The following HADHA variants were observed in gnomAD, a reference collection of about 807,000 sequenced individuals.
HADHA encodes the protein trifunctional enzyme subunit alpha, mitochondrial.
In HADHA, 59 loss-of-function variants were observed where a neutral mutation model predicts 91.3. That is an observed-to-expected ratio of 0.65 (90% CI 0.52 to 0.80). The LOEUF is 0.80. Ranked by LOEUF, HADHA falls within the 30% of genes least tolerant of loss-of-function variation. The pLI is 0.00. For missense variants in HADHA, 800 were observed against 927.6 expected, an observed-to-expected ratio of 0.86 and a Z score of 1.79; for synonymous variants, 320 against 338.9, an observed-to-expected ratio of 0.94 and a Z score of 0.61.
At position 26,239,155 on chromosome 2, in the gene HADHA, G is replaced by A. The variant is rs748476188; in HGVS notation, c.68-12C>T. 3 of 1,576,834 alleles carry A rather than the reference G, an allele frequency of 1.9e-6. No homozygotes were observed. The highest frequency in any genetic ancestry group is 2.6e-6 in the Non-Finnish European group (3 of 1,146,450). On this transcript the variant is annotated splice_polypyrimidine_tract_variant and intron_variant, in intron 1 of 19. Coordinates refer to ENST00000380649, the MANE Select transcript of HADHA (RefSeq NM_000182.5). Reference sequence around the variant, plus strand: ...GCGGCATATATAACCTGTAAGAAAAGACATTTCAAAATTAATTTGCGAAAC... The same window carrying A: ...GCGGCATATATAACCTGTAAGAAAAAACATTTCAAAATTAATTTGCGAAAC...
chr2:26,204,481 A>G (rs898323768), intron 11 of HADHA, among the ~76,000 whole-genome samples: 1 of 152,248 alleles, frequency 6.6e-6, no homozygotes, highest in Non-Finnish European at 1.5e-5. Flanking sequence ...ACCAGTTTAC[A>G]TTTAAGTCAA....
chr2:26,230,070 GC>G (rs1190455014), intron 7 of HADHA, 121 bp downstream of exon 7: 15 of 689,582 alleles, frequency 2.2e-5, no homozygotes, highest in Admixed American at 1.6e-4. Flanking sequence ...TGATCTTCCC[GC>G]CTCAGCCTCC....
At chr2:26,193,831 G>T in intron 16 of HADHA, 59 bp from the exon 17 acceptor site, 1 of 1,371,614 alleles carries the variant, frequency 7.3e-7, no homozygotes, top group Non-Finnish European at 1.0e-6. Context: ...CCCCCAAAGG[G>T]CTCCCTGTAC....
chr2:26,211,803 C>T (rs1368704974), intron 10 of HADHA: 1 of 152,272 alleles, frequency 6.6e-6, no homozygotes, highest in Non-Finnish European at 1.5e-5. Flanking sequence ...CTGGTACATA[C>T]ATCTCTTCTG....
chr2:26,198,673 G>C (rs1669748811), intron 13 of HADHA, among the ~76,000 whole-genome samples: 1 of 151,772 alleles, frequency 6.6e-6, no homozygotes, highest in South Asian at 2.1e-4. Context: ...AAAAAAAAAG[G>C]AAAGAAAAGA....
At chr2:26,208,688 AG>A (rs938560552) in intron 11 of HADHA, among the ~76,000 whole-genome samples, 1 of 152,182 alleles carries the variant, frequency 6.6e-6, no homozygotes, top group Admixed American at 6.5e-5. Flanking sequence ...AAAGAGATAC[AG>A]GTTTAAGTGG....
At chr2:26,200,755 T>C (rs1669809535) in intron 13 of HADHA, among the ~76,000 whole-genome samples, 1 of 150,566 alleles carries the variant, frequency 6.6e-6, no homozygotes. Flanking sequence ...TTTTTGGAGA[T>C]GGAGTCTCGC....
chr2:26,191,162 C>G lies in HADHA; in HGVS notation c.*88G>C, dbSNP rs921830642. 1.5e-6 allele frequency: 2 copies of G among 1,368,940 alleles called. No homozygotes were observed. Among genetic ancestry groups the G allele is most frequent in the African/African-American group, 1.4e-5 (1 of 70,308 alleles). 84.8% of individuals were successfully genotyped at this position (1,368,940 alleles called of 1,614,324 possible). A position where few individuals can be genotyped will look rare whatever the true frequency, so the allele number is the denominator to read the frequency against. On this transcript the variant is annotated 3_prime_UTR_variant, in exon 20 of 20. Transcript: ENST00000380649. The stretch of plus-strand genomic sequence containing the variant: ...TGCCGGAGTTTGTCTTCTCGTTACT[C>G]TGATAAATCTAGACACCACTCTGTT...
intron 10 of HADHA, 37 bp from the exon 11 acceptor site, chr2:26,209,926 C>T: frequency 9.4e-7 from 1 of 1,061,714 alleles, no homozygotes; most frequent in Non-Finnish European, 1.5e-6. Context: ...GGTAGAACTT[C>T]ACAGTCTAGG....
Position 26,201,133 on chromosome 2 carries a change from A to C in HADHA, c.1392+16T>G. On this transcript the variant is annotated intron_variant, in intron 13 of 19. Transcript: ENST00000380649. ...TTCACTACACTAGGATTCAAGTACA[A>C]CAGCCCCTTGCTTACCGCTTCTACT... The C allele has an allele frequency of 6.3e-7, 1 of 1,595,104 alleles. No homozygotes were observed. Among genetic ancestry groups the C allele is most frequent in the Non-Finnish European group, 8.6e-7 (1 of 1,162,728 alleles).
rs375655362 is a variant in HADHA, at chr2:26,215,054, T to A, written c.798A>T (p.Glu266Asp). The A allele has an allele frequency of 5.0e-6, 8 of 1,610,300 alleles. No homozygotes were observed. The African/African-American group carries it at 1.1e-4, about 21-fold the overall frequency. Reference sequence around the variant, plus strand: ...TTGTTCTTTAACAATGATACTCACTTTCCACCAATCCCTTGTCTCTCTTTG... The same window carrying A: ...TTGTTCTTTAACAATGATACTCACTATCCACCAATCCCTTGTCTCTCTTTG... ...ISPKRDKGLV[E>D]KLTAYAMTIP... The change falls in exon 8 of 20, where the codon GAA becomes GAT. Residue 266 changes from glutamate to aspartate, a missense_variant and splice_region_variant. Transcript: ENST00000380649.
chr2:26,230,291 C>T lies in HADHA; in HGVS notation c.577G>A (p.Gly193Ser). 6.2e-7 allele frequency: 1 copy of T among 1,602,750 alleles called. No homozygotes were observed. Among genetic ancestry groups the T allele is most frequent in the Non-Finnish European group, 8.5e-7 (1 of 1,169,814 alleles). ...ATCATGTCCAAAGCAGCAGGCACAC[C>T]CACCTAACAGGCAAGCAAGGATGAG... ...GGTQRLPKMVGVPAALDMMLT... is the reference protein window; with the variant it reads ...GGTQRLPKMVSVPAALDMMLT... Residue 193 changes from glycine to serine, a missense_variant, in exon 7 of 20, where the codon GGT (glycine) becomes AGT (serine). By Grantham distance (56) the Gly-to-Ser change is moderately conservative. Transcript: ENST00000380649.
At chr2:26,237,832 A>G (rs547340912) in intron 3 of HADHA, among the ~76,000 whole-genome samples, 1 of 152,364 alleles carries the variant, frequency 6.6e-6, no homozygotes, top group East Asian at 1.9e-4. Flanking sequence ...TGTGTTCAGG[A>G]AAAATGTCCA....
At position 26,191,409 on chromosome 2, in the gene HADHA, G is replaced by C. The variant is rs919993915; in HGVS notation, c.2147-14C>G. 6.2e-7 allele frequency: 1 copy of C among 1,614,098 alleles called. No homozygotes were observed. Among genetic ancestry groups the C allele is most frequent in the African/African-American group, 1.3e-5 (1 of 74,938 alleles). On this transcript the variant is annotated splice_polypyrimidine_tract_variant and intron_variant, in intron 19 of 19. Transcript: ENST00000380649. ...AGCGGAAAGGCCCTGAATAGAGAAA[G>C]AGGACTTCGTTGAAGGAGACGCAAC...
intron 4 of HADHA, among the ~76,000 whole-genome samples, chr2:26,236,438 T>A (rs1209585043): frequency 6.7e-6 from 1 of 149,680 alleles, no homozygotes; most frequent in Non-Finnish European, 1.5e-5. Context: ...TTTTTTTTTT[T>A]AAGACAGTCT....
chr2:26,229,356 A>G lies in HADHA; in HGVS notation c.676+836T>C, dbSNP rs1195529249. The stretch of plus-strand genomic sequence containing the variant: ...CCAACATGTGTGCGCGCGCACACAC[A>G]CACACACACACACACACAAAATTAA... On this transcript the variant is annotated intron_variant, in intron 7 of 19. Coordinates refer to ENST00000380649, the MANE Select transcript of HADHA (RefSeq NM_000182.5). This position sits in a 1 kb window ranked among gnomAD's most constrained non-coding sequence, Gnocchi z 4.3. 1.8e-4 allele frequency among the ~76,000 whole-genome samples: 27 copies of G among 151,516 alleles called. No homozygotes were observed. In the South Asian group the frequency reaches 5.2e-3, roughly 29 times the overall value.
intron 14 of HADHA, among the ~76,000 whole-genome samples, chr2:26,197,401 T>C (rs150721607): frequency 6.6e-6 from 1 of 152,334 alleles, no homozygotes; most frequent in East Asian, 1.9e-4. Flanking sequence ...GAGCATCCTT[T>C]CTTAAGGCCT....
rs763636903 is a variant in HADHA at position 26,230,296 on chromosome 2, T to TA, written c.574-3dup. The TA allele has an allele frequency of 1.4e-5, 23 of 1,592,808 alleles. No individual in the cohort carries two copies. Among genetic ancestry groups the TA allele is most frequent in the Non-Finnish European group, 6.0e-6 (7 of 1,160,924 alleles). ...GTCCAAAGCAGCAGGCACACCCACC[T>TA]AACAGGCAAGCAAGGATGAGAATAT... On this transcript the variant is annotated splice_region_variant and splice_polypyrimidine_tract_variant and intron_variant, in intron 6 of 19. Transcript: ENST00000380649.
Position 26,191,735 on chromosome 2 carries a change from G to GA in HADHA, c.2001-108_2001-107insT. 2.6e-6 allele frequency: 3 copies of GA among 1,153,200 alleles called. No homozygotes were observed. The South Asian group carries it at 3.7e-5, about 14-fold the overall frequency. 71.4% of individuals were successfully genotyped at this position (1,153,200 alleles called of 1,614,324 possible). A position where few individuals can be genotyped will look rare whatever the true frequency, so the allele number is the denominator to read the frequency against. ...GGATGGGTGCATGGGGAGCTCTGTG[G>GA]GCCGGTTGGTGCTGGCCCTCAGAGA... is the stretch of plus-strand genomic sequence containing the variant. On this transcript the variant is annotated intron_variant, in intron 18 of 19. Transcript: ENST00000380649.
Sources: gnomAD v4.1 joint callset for allele counts (sites outside exome capture counted in the v4.1 genomes callset) on GRCh38, gnomAD v4.1.1 for gene constraint, Gnocchi (gnomAD v3.1) non-coding constraint, MANE v1.5 for transcripts, NCBI Gene and HGNC (gene_info 2026-07-23, HGNC 2026-07-21) for gene names.